TOX2: variants seen among roughly 807,000 people sequenced by gnomAD.
TOX2 encodes granulosa cell HMG box 1.
A neutral mutation model predicts 47.4 loss-of-function variants in TOX2; 15 were observed. The observed-to-expected ratio is 0.32, with a 90% CI of 0.21 to 0.49. TOX2 has a LOEUF of 0.49. TOX2 is among the 20% of genes least tolerant of loss of function. The pLI is 0.99. For missense variants in TOX2, 622 were observed against 673.1 expected, an observed-to-expected ratio of 0.92 and a Z score of 0.84; for synonymous variants, 290 against 296.6, an observed-to-expected ratio of 0.98 and a Z score of 0.23.
At chr20:43,976,782 G>GCACACA (rs11086916) in intron 2 of TOX2, among the ~76,000 whole-genome samples, 3,184 of 146,516 alleles carry the variant, frequency 0.022, 87 homozygotes, top group African/African-American at 0.073. Flanking sequence ...GAGCGCGCGC[G>GCACACA]CACACACACA....
At chr20:44,055,563 G>GGC (rs2071601954) in intron 5 of TOX2, among the ~76,000 whole-genome samples, 1 of 152,106 alleles carries the variant, frequency 6.6e-6, no homozygotes, top group Non-Finnish European at 1.5e-5. Context: ...GACCACGCTG[G>GGC]GCTTTGCAGA....
At chr20:43,981,103 C>T (rs962599774) in intron 2 of TOX2, among the ~76,000 whole-genome samples, 2 of 152,210 alleles carry the variant, frequency 1.3e-5, no homozygotes, top group African/African-American at 2.4e-5. Flanking sequence ...AAGAATCATT[C>T]ATAAATCATA....
At chr20:44,018,889 G>C (rs907422547) in intron 3 of TOX2, among the ~76,000 whole-genome samples, 2 of 152,174 alleles carry the variant, frequency 1.3e-5, no homozygotes, top group East Asian at 3.9e-4. Flanking sequence ...ACTTAACTGG[G>C]AGTCTGGGGT....
At chr20:44,040,267 C>A (rs1217072633) in intron 3 of TOX2, among the ~76,000 whole-genome samples, 1 of 152,204 alleles carries the variant, frequency 6.6e-6, no homozygotes, top group African/African-American at 2.4e-5. Context: ...GAGCCACAGA[C>A]TTACTTGGAA....
At chr20:43,958,804 G>C (rs963058440) in intron 1 of TOX2, among the ~76,000 whole-genome samples, 2 of 152,192 alleles carry the variant, frequency 1.3e-5, no homozygotes, top group African/African-American at 2.4e-5. Flanking sequence ...TGCCAATAAC[G>C]GTGGGCCATC....
intron 2 of TOX2, among the ~76,000 whole-genome samples, chr20:43,990,694 G>A (rs1241117880): frequency 1.3e-5 from 2 of 152,028 alleles, no homozygotes; most frequent in African/African-American, 4.8e-5. Context: ...AGCAGAGGCC[G>A]GGACCCTGTT....
chr20:43,992,753 G>T (rs903354664), intron 2 of TOX2, among the ~76,000 whole-genome samples: 2 of 151,288 alleles, frequency 1.3e-5, no homozygotes, highest in Non-Finnish European at 2.9e-5. Flanking sequence ...AGTAATATTT[G>T]TAGCATGTAA....
intron 4 of TOX2, among the ~76,000 whole-genome samples, chr20:44,053,522 CATATATAT>C (rs757664844): frequency 4.2e-5 from 6 of 144,212 alleles, no homozygotes; most frequent in Non-Finnish European, 7.5e-5. Context: ...TATATATACA[CATATATAT>C]ACATATATAC....
rs542602711 is a variant in TOX2 at position 44,066,358 on chromosome 20, T to C, written c.1356+251T>C. Reference sequence around the variant, plus strand: ...GATACTCCAGTCCCCCCTTCCTGCATCCTCAGCCCTAGCCCTGGCCCTTCC... The same window carrying C: ...GATACTCCAGTCCCCCCTTCCTGCACCCTCAGCCCTAGCCCTGGCCCTTCC... On this transcript the variant is annotated intron_variant, in intron 7 of 8. Coordinates refer to ENST00000341197, the MANE Select transcript of TOX2 (RefSeq NM_001098797.2). Among the ~76,000 whole-genome samples the C allele has an allele frequency of 8.5e-5, 13 of 152,296 alleles. No individual in the cohort carries two copies. In the East Asian group the frequency reaches 2.5e-3, roughly 29 times the overall value.
intron 2 of TOX2, among the ~76,000 whole-genome samples, chr20:44,002,091 A>T (rs868539046): frequency 6.6e-6 from 1 of 151,994 alleles, no homozygotes; most frequent in Non-Finnish European, 1.5e-5. Context: ...GCAATAAGCC[A>T]CAGATATCAT....
intron 2 of TOX2, among the ~76,000 whole-genome samples, chr20:43,999,563 T>C (rs1038285735): frequency 6.6e-6 from 1 of 152,166 alleles, no homozygotes; most frequent in African/African-American, 2.4e-5. Context: ...CTACACAACA[T>C]TGTCAAAAGA....
chr20:43,928,621 T>G (rs979031369), intron 1 of TOX2, among the ~76,000 whole-genome samples: 3 of 152,230 alleles, frequency 2.0e-5, no homozygotes, highest in Non-Finnish European at 4.4e-5. Context: ...CATCTGCCTA[T>G]GGCCATGCTT....
At chr20:43,935,111 A>T (rs2069307875) in intron 1 of TOX2, among the ~76,000 whole-genome samples, 1 of 152,094 alleles carries the variant, frequency 6.6e-6, no homozygotes, top group African/African-American at 2.4e-5. Flanking sequence ...GAATGGAGGA[A>T]GGAGCACAAA....
At chr20:44,002,561 G>T (rs909961137) in intron 2 of TOX2, among the ~76,000 whole-genome samples, 2 of 152,318 alleles carry the variant, frequency 1.3e-5, no homozygotes, top group Non-Finnish European at 2.9e-5. Context: ...CACAGAGAGG[G>T]TGTTTTAGTC....
At chr20:43,917,011 A>T (rs546154835) in intron 1 of TOX2, among the ~76,000 whole-genome samples, 1 of 146,606 alleles carries the variant, frequency 6.8e-6, no homozygotes, top group African/African-American at 2.5e-5. Context: ...TCTGTGTGGG[A>T]TGTAGGACCC....
At chr20:44,031,403 G>A (rs2071148984) in intron 3 of TOX2, among the ~76,000 whole-genome samples, 1 of 152,292 alleles carries the variant, frequency 6.6e-6, no homozygotes, top group Admixed American at 6.5e-5. Context: ...TTGTCAAGTG[G>A]GTGAGCGCAT....
intron 3 of TOX2, among the ~76,000 whole-genome samples, chr20:44,034,610 G>C (rs1326336971): frequency 1.3e-5 from 2 of 152,208 alleles, no homozygotes; most frequent in Non-Finnish European, 2.9e-5. Context: ...AGGAAGCTCA[G>C]AGTCAGAGGA....
intron 1 of TOX2, among the ~76,000 whole-genome samples, chr20:43,936,619 C>A (rs539953536): frequency 6.6e-6 from 1 of 152,092 alleles, no homozygotes. Flanking sequence ...GGCTCAGCTC[C>A]CCACATGACC....
intron 1 of TOX2, among the ~76,000 whole-genome samples, chr20:43,966,821 C>T (rs192828192): frequency 2.1e-4 from 32 of 150,752 alleles, no homozygotes; most frequent in African/African-American, 7.3e-4. Context: ...GGAACTGAGA[C>T]TTGGGGCTGC....
Sources: gnomAD v4.1 joint callset for allele counts (sites outside exome capture counted in the v4.1 genomes callset) on GRCh38, gnomAD v4.1.1 for gene constraint, MANE v1.5 for transcripts, NCBI Gene and HGNC (gene_info 2026-07-23, HGNC 2026-07-21) for gene names.